The following CNTN6 variants were observed in gnomAD, a reference collection of about 807,000 sequenced individuals.
CNTN6 encodes the protein contactin 6.
In CNTN6, 137 loss-of-function variants were observed where a neutral mutation model predicts 122.8. The observed-to-expected ratio is 1.12, with a 90% CI of 0.97 to 1.29. The LOEUF is 1.29. Ranked by LOEUF, CNTN6 falls within the 50% of genes most tolerant of loss-of-function variation. CNTN6 has a pLI of 0.00. For missense variants in CNTN6, 1,634 were observed against 1,223.4 expected (o/e 1.34, Z -5.01); for synonymous variants, 570 against 426.0 (o/e 1.34, Z -4.16).
intron 2 of CNTN6, among the ~76,000 whole-genome samples, chr3:1,205,992 G>A (rs1319055115): frequency 2.0e-5 from 3 of 152,154 alleles, no homozygotes; most frequent in South Asian, 2.1e-4. Context: ...AAAGTCATTT[G>A]CATTCTTAAT....
chr3:1,388,503 C>A (rs1248953027), intron 20 of CNTN6, among the ~76,000 whole-genome samples: 2 of 151,558 alleles, frequency 1.3e-5, no homozygotes, highest in African/African-American at 2.4e-5. Flanking sequence ...AAACGCAGAG[C>A]GCCTCTCCTC....
At chr3:1,331,159 A>G (rs958261066) in intron 11 of CNTN6, among the ~76,000 whole-genome samples, 6 of 151,894 alleles carry the variant, frequency 4.0e-5, no homozygotes, top group African/African-American at 1.4e-4. Context: ...GATCCATTCC[A>G]TTTACACAAT....
chr3:1,374,186 A>C (rs1400088101), intron 16 of CNTN6, 113 bp downstream of exon 16: 10 of 1,025,526 alleles, frequency 9.8e-6, no homozygotes, highest in Non-Finnish European at 1.2e-5. Flanking sequence ...ATTGTTTGGC[A>C]GTAAACGAGT....
intron 5 of CNTN6, among the ~76,000 whole-genome samples, chr3:1,285,614 T>A (rs115790130): frequency 6.6e-6 from 1 of 152,196 alleles, no homozygotes; most frequent in Admixed American, 6.5e-5. Flanking sequence ...CGGGAAGATA[T>A]CTCAATTTTA....
chr3:1,369,328 G>T (rs1429723836), intron 12 of CNTN6, among the ~76,000 whole-genome samples: 5 of 149,406 alleles, frequency 3.3e-5, no homozygotes, highest in African/African-American at 1.2e-4. Context: ...GCTTCCTTTT[G>T]TAGACGTTCA....
intron 2 of CNTN6, among the ~76,000 whole-genome samples, chr3:1,148,482 T>G (rs990788535): frequency 1.1e-4 from 17 of 151,974 alleles, no homozygotes; most frequent in African/African-American, 3.4e-4. Flanking sequence ...GTTTAGAAAT[T>G]GATATGGCAA....
intron 4 of CNTN6, among the ~76,000 whole-genome samples, chr3:1,265,780 C>A (rs922148927): frequency 1.3e-5 from 2 of 152,052 alleles, no homozygotes; most frequent in African/African-American, 4.8e-5. Context: ...TCAGATGGCC[C>A]GTTTTCCTCA....
chr3:1,296,577 G>T (rs1270871270), intron 6 of CNTN6, among the ~76,000 whole-genome samples: 1 of 152,138 alleles, frequency 6.6e-6, no homozygotes, highest in Non-Finnish European at 1.5e-5. Context: ...AATACCTCGT[G>T]GAGTTTTTCT....
chr3:1,259,837 T>C (rs907418161), intron 4 of CNTN6, among the ~76,000 whole-genome samples: 4 of 152,120 alleles, frequency 2.6e-5, no homozygotes, highest in Non-Finnish European at 4.4e-5. Flanking sequence ...ATATTTGCAG[T>C]ATACTATATG....
At chr3:1,229,287 T>C (rs1451989102) in intron 4 of CNTN6, among the ~76,000 whole-genome samples, 1 of 152,330 alleles carries the variant, frequency 6.6e-6, no homozygotes, top group East Asian at 1.9e-4. Context: ...ACTTATGTTA[T>C]AGAAATAAAG....
intron 1 of CNTN6, among the ~76,000 whole-genome samples, chr3:1,107,985 ATATAAT>A (rs1357376425): frequency 6.6e-6 from 1 of 152,098 alleles, no homozygotes; most frequent in Non-Finnish European, 1.5e-5. Context: ...GTGATGATAA[ATATAAT>A]TATAATTAAG....
intron 2 of CNTN6, among the ~76,000 whole-genome samples, chr3:1,180,626 T>C (rs1038893238): frequency 6.6e-6 from 1 of 152,190 alleles, no homozygotes; most frequent in African/African-American, 2.4e-5. Flanking sequence ...GGAAAGAGCA[T>C]TAGATATGGA....
At chr3:1,268,573 C>T (rs1478202059) in intron 4 of CNTN6, among the ~76,000 whole-genome samples, 1 of 135,808 alleles carries the variant, frequency 7.4e-6, no homozygotes, top group Non-Finnish European at 1.6e-5. Context: ...AGCCACTGCA[C>T]TCCAGCCTGG....
intron 12 of CNTN6, among the ~76,000 whole-genome samples, chr3:1,353,286 T>C (rs938530806): frequency 6.6e-6 from 1 of 151,670 alleles, no homozygotes; most frequent in African/African-American, 2.4e-5. Flanking sequence ...ATTTGGTGCT[T>C]TCTCATCTTT....
chr3:1,106,474 G>T (rs990870001), intron 1 of CNTN6, among the ~76,000 whole-genome samples: 1 of 151,852 alleles, frequency 6.6e-6, no homozygotes, highest in Non-Finnish European at 1.5e-5. Context: ...TCTGAGGCCA[G>T]GTGTTCAAGA....
chr3:1,168,123 G>T (rs1195403518), intron 2 of CNTN6, among the ~76,000 whole-genome samples: 2 of 151,842 alleles, frequency 1.3e-5, no homozygotes, highest in African/African-American at 4.8e-5. Flanking sequence ...GGCCAGGTTG[G>T]TCTCGATCTC....
chr3:1,214,111 T>G (rs1575266289), intron 2 of CNTN6, among the ~76,000 whole-genome samples: 4 of 152,182 alleles, frequency 2.6e-5, no homozygotes, highest in Admixed American at 2.6e-4. Context: ...AAGTTTGTGT[T>G]TGAAAGTATT....
intron 20 of CNTN6, among the ~76,000 whole-genome samples, chr3:1,390,560 C>T (rs1002499496): frequency 3.3e-5 from 5 of 152,222 alleles, no homozygotes; most frequent in African/African-American, 9.6e-5. Flanking sequence ...TAACTAAAAT[C>T]AGAGCACAAC....
At position 1,329,792 on chromosome 3, in the gene CNTN6, T is replaced by C. The variant is rs138974120; in HGVS notation, c.1221T>C (p.Ala407=). The C allele has an allele frequency of 6.2e-7, 1 of 1,605,926 alleles. No homozygotes were observed. Among genetic ancestry groups the C allele is most frequent in the Non-Finnish European group, 8.5e-7 (1 of 1,176,660 alleles). ...ANAELRVLAS[A]PDFSKSPVKK... ...CTTTGATTTTGTTTTTAGCCTCAGC[T>C]CCAGATTTCTCCAAAAGTCCAGTTA... Residue 407 remains alanine (A), a synonymous_variant, in exon 11 of 23, where the codon GCT becomes GCC. Transcript: ENST00000446702.
Sources: allele counts gnomAD v4.1 joint callset (sites outside exome capture counted in the v4.1 genomes callset), GRCh38; gene constraint gnomAD v4.1.1; transcripts MANE v1.5; gene names NCBI Gene and HGNC (gene_info 2026-07-23, HGNC 2026-07-21).